DMD: variants seen among roughly 807,000 people sequenced by gnomAD.
The protein encoded by DMD is mutant dystrophin.
DMD carries 63 observed loss-of-function variants against 330.1 expected under a neutral mutation model. The ratio of observed to expected loss-of-function variants is 0.19; its 90% CI spans 0.16 to 0.24. DMD has a LOEUF of 0.24. Ranked by LOEUF, DMD falls within the 10% of genes least tolerant of loss-of-function variation. The pLI is 1.00. For missense variants in DMD, 3,344 were observed against 2,684.1 expected, an observed-to-expected ratio of 1.25 and a Z score of -5.43; for synonymous variants, 1,223 against 959.8, an observed-to-expected ratio of 1.27 and a Z score of -5.07.
rs200279358 is a variant in DMD at position 31,127,024 on chromosome X, T to TA, written c.11015-352dup. Among the ~76,000 whole-genome samples, 1,109 of 111,496 alleles carry TA rather than the reference T, an allele frequency of 9.9e-3. 2 individuals carry two copies. Among genetic ancestry groups the TA allele is most frequent in the Middle Eastern group, 0.018 (4 of 217 alleles). On this transcript the variant is annotated intron_variant, in intron 77 of 78. Coordinates refer to ENST00000357033, the MANE Select transcript of DMD (RefSeq NM_004006.3). ...TTCAAGGACAACTCAAACTTAATGT[T>TA]AAAAAAAGTCTCAGAATCTCTTCAC...
intron 37 of DMD, among the ~76,000 whole-genome samples, chrX:32,358,730 G>A (rs780171009): frequency 7.2e-5 from 8 of 111,073 alleles, no homozygotes; most frequent in Non-Finnish European, 1.1e-4. Flanking sequence ...GACTCCAGTC[G>A]ATTACAGCAG....
chrX:32,328,392 TGTC>T (rs1352642776), intron 41 of DMD, among the ~76,000 whole-genome samples: 2 of 111,855 alleles, frequency 1.8e-5, no homozygotes, highest in Non-Finnish European at 3.8e-5. Context: ...GTTAGACAAA[TGTC>T]GTGATACCCT....
intron 62 of DMD, among the ~76,000 whole-genome samples, chrX:31,268,717 CTGTTTA>C (rs1409431237): frequency 6.2e-5 from 7 of 112,277 alleles, no homozygotes; most frequent in African/African-American, 2.3e-4. Context: ...CACTTAACTA[CTGTTTA>C]TGTTTATTTC....
intron 34 of DMD, among the ~76,000 whole-genome samples, chrX:32,367,425 C>A (rs1057105848): frequency 5.3e-5 from 6 of 112,411 alleles, no homozygotes; most frequent in Non-Finnish European, 1.1e-4. Flanking sequence ...TAACCCTTCA[C>A]AAAGTTGAAG....
intron 44 of DMD, among the ~76,000 whole-genome samples, chrX:32,054,088 TGAGAGA>T (rs751524877): frequency 0.015 from 1,060 of 69,489 alleles, 23 homozygotes; most frequent in South Asian, 0.052. Flanking sequence ...TGTGTGTGTG[TGAGAGA>T]GAGAGAGAGA....
chrX:31,986,436 CAG>C (rs2095509507), intron 44 of DMD, among the ~76,000 whole-genome samples: 1 of 110,542 alleles, frequency 9.0e-6, no homozygotes, highest in African/African-American at 3.3e-5. Flanking sequence ...TTTTCTGAGA[CAG>C]AGTCTCGCTC....
At chrX:33,177,271 G>A (rs2049718919) in intron 1 of DMD, among the ~76,000 whole-genome samples, 1 of 112,527 alleles carries the variant, frequency 8.9e-6, no homozygotes, top group Admixed American at 9.4e-5. Context: ...GCTAGGGGAT[G>A]GGTGTGCTAC....
chrX:32,503,643 C>A (rs1223139242), intron 18 of DMD, among the ~76,000 whole-genome samples: 1 of 111,115 alleles, frequency 9.0e-6, no homozygotes, highest in Admixed American at 9.5e-5. Flanking sequence ...GCAACCTCTG[C>A]CTCCCGGGTT....
intron 48 of DMD, among the ~76,000 whole-genome samples, chrX:31,864,504 TTTTTTA>T (rs1210971303): frequency 2.8e-4 from 27 of 95,608 alleles, no homozygotes; most frequent in African/African-American, 9.7e-4. Flanking sequence ...TTTTTTTTTT[TTTTTTA>T]AAGAAGTCTT....
intron 2 of DMD, among the ~76,000 whole-genome samples, chrX:32,919,472 T>C (rs1302119797): frequency 8.9e-6 from 1 of 112,302 alleles, no homozygotes; most frequent in Non-Finnish European, 1.9e-5. Flanking sequence ...ATGCCATAAA[T>C]GTAAGAACAT....
At chrX:31,290,643 A>T (rs1171493076) in intron 62 of DMD, among the ~76,000 whole-genome samples, 2 of 111,821 alleles carry the variant, frequency 1.8e-5, no homozygotes, top group Non-Finnish European at 3.8e-5. Context: ...TGTTCATATG[A>T]ATAATTTTTC....
intron 1 of DMD, among the ~76,000 whole-genome samples, chrX:33,063,061 T>C (rs1466828934): frequency 8.9e-6 from 1 of 112,100 alleles, no homozygotes; most frequent in Non-Finnish European, 1.9e-5. Context: ...TTCTACTTAA[T>C]AGAATATATA....
rs939263376 is a variant in DMD, at chrX:32,891,689, T to C, written c.94-41869A>G. 7.1e-5 allele frequency among the ~76,000 whole-genome samples: 8 copies of C among 111,921 alleles called. No homozygotes were observed. The Admixed American group carries it at 7.6e-4, about 11-fold the overall frequency. On this transcript the variant is annotated intron_variant, in intron 2 of 78. Coordinates refer to ENST00000357033, the MANE Select transcript of DMD (RefSeq NM_004006.3). ...TTGGATGAAATATGCTGGACTCTGT[T>C]GAGACAAAATGAAAACATAAGGAGA... is the stretch of plus-strand genomic sequence containing the variant.
chrX:33,097,728 G>A (rs778346324), intron 1 of DMD, among the ~76,000 whole-genome samples: 6 of 102,201 alleles, frequency 5.9e-5, no homozygotes, highest in Non-Finnish European at 9.7e-5. Context: ...CAATTCTCCT[G>A]CCTCAGCCTC....
intron 2 of DMD, among the ~76,000 whole-genome samples, chrX:32,964,906 T>C (rs1377849864): frequency 8.9e-6 from 1 of 112,024 alleles, no homozygotes; most frequent in Non-Finnish European, 1.9e-5. Flanking sequence ...TATACAATCA[T>C]CTTGAGTAAA....
chrX:31,716,008 T>C (rs1215439220), intron 52 of DMD, among the ~76,000 whole-genome samples: 2 of 112,091 alleles, frequency 1.8e-5, no homozygotes, highest in Admixed American at 9.5e-5. Context: ...GAACAAGATG[T>C]TAGAATTAAA....
chrX:32,003,102 A>G (rs1293697546), intron 44 of DMD, among the ~76,000 whole-genome samples: 4 of 111,865 alleles, frequency 3.6e-5, no homozygotes, highest in Non-Finnish European at 7.5e-5. Context: ...CATAAACAAA[A>G]ACTCTAACCC....
intron 29 of DMD, chrX:32,412,152 T>C (rs1481549073): frequency 2.6e-6 from 3 of 1,134,809 alleles, no homozygotes; most frequent in African/African-American, 3.6e-5. Context: ...TCAATCACAA[T>C]ATCACGTACA....
chrX:32,199,370 T>C (rs1603628133), intron 44 of DMD, among the ~76,000 whole-genome samples: 1 of 111,526 alleles, frequency 9.0e-6, no homozygotes, highest in Non-Finnish European at 1.9e-5. Flanking sequence ...CACTCCCTGG[T>C]GGCCAAACTC....
Sources: gnomAD v4.1 joint callset for allele counts (sites outside exome capture counted in the v4.1 genomes callset) on GRCh38, gnomAD v4.1.1 for gene constraint, MANE v1.5 for transcripts, NCBI Gene and HGNC (gene_info 2026-07-23, HGNC 2026-07-21) for gene names.